KCNJ3: variants seen among roughly 807,000 people sequenced by gnomAD.
The protein encoded by KCNJ3 is potassium inwardly rectifying channel subfamily J member 3.
KCNJ3 carries 4 observed loss-of-function variants against 39.2 expected under a neutral mutation model. The observed-to-expected ratio is 0.10, with a 90% confidence interval of 0.05 to 0.23. The LOEUF is 0.23. Ranked by LOEUF, KCNJ3 falls within the 10% of genes least tolerant of loss-of-function variation. KCNJ3 has a pLI of 1.00. For missense variants in KCNJ3, 276 were observed against 634.9 expected, an observed-to-expected ratio of 0.43 and a Z score of 6.08; for synonymous variants, 230 against 237.4, an observed-to-expected ratio of 0.97 and a Z score of 0.29.
At chr2:154,740,885 G>A (rs1282022794) in intron 2 of KCNJ3, among the ~76,000 whole-genome samples, 1 of 151,878 alleles carries the variant, frequency 6.6e-6, no homozygotes, top group African/African-American at 2.4e-5. Flanking sequence ...GCAAATAAGA[G>A]CAGTACCAAG....
chr2:154,768,367 G>C (rs1249645748), intron 2 of KCNJ3, among the ~76,000 whole-genome samples: 1 of 152,138 alleles, frequency 6.6e-6, no homozygotes, highest in African/African-American at 2.4e-5. Context: ...TTTTGTATAA[G>C]GTGTAAGGAA....
intron 2 of KCNJ3, among the ~76,000 whole-genome samples, chr2:154,828,082 C>T (rs1436624508): frequency 2.6e-5 from 4 of 151,442 alleles, no homozygotes; most frequent in African/African-American, 4.9e-5. Context: ...GGTTGATATC[C>T]GCATTGTAGT....
intron 2 of KCNJ3, among the ~76,000 whole-genome samples, chr2:154,784,536 C>G (rs1686493517): frequency 6.6e-6 from 1 of 152,160 alleles, no homozygotes; most frequent in Non-Finnish European, 1.5e-5. Context: ...GCACACACCA[C>G]CATACCCAGC....
intron 2 of KCNJ3, among the ~76,000 whole-genome samples, chr2:154,759,892 T>A (rs931166368): frequency 1.3e-5 from 2 of 152,138 alleles, no homozygotes; most frequent in African/African-American, 4.8e-5. Flanking sequence ...TATTAATAGA[T>A]CATTTGTTTC....
At chr2:154,837,722 G>A (rs1043172315) in intron 2 of KCNJ3, among the ~76,000 whole-genome samples, 5 of 152,176 alleles carry the variant, frequency 3.3e-5, no homozygotes, top group African/African-American at 1.2e-4. Flanking sequence ...GAAGCTTACT[G>A]TAATCTGAAA....
rs79669423 is a variant in KCNJ3 at position 154,801,473 on chromosome 2, C to T, written c.920-53254C>T. On this transcript the variant is annotated intron_variant, in intron 2 of 2. Coordinates refer to ENST00000295101, the MANE Select transcript of KCNJ3 (RefSeq NM_002239.4). The stretch of plus-strand genomic sequence containing the variant: ...AAGGGCCTGGAAGGCCCCCTTCCTC[C>T]CTCCCTCCTTTCTTTTCTTTTCTTT... Among the ~76,000 whole-genome samples, 17 of 150,654 alleles carry T rather than the reference C, an allele frequency of 1.1e-4. No individual in the cohort carries two copies. The East Asian group carries it at 3.0e-3, about 26-fold the overall frequency.
intron 1 of KCNJ3, among the ~76,000 whole-genome samples, chr2:154,706,711 A>G (rs1365434002): frequency 6.6e-6 from 1 of 152,134 alleles, no homozygotes; most frequent in African/African-American, 2.4e-5. Flanking sequence ...AGAATTATTT[A>G]GAAGCCTAAA....
chr2:154,781,128 G>A (rs1480342465), intron 2 of KCNJ3, among the ~76,000 whole-genome samples: 2 of 152,174 alleles, frequency 1.3e-5, no homozygotes, highest in Non-Finnish European at 2.9e-5. Context: ...ACTAAAGGCA[G>A]TCTTTAGAAG....
At chr2:154,814,744 C>T (rs1687055926) in intron 2 of KCNJ3, among the ~76,000 whole-genome samples, 1 of 152,118 alleles carries the variant, frequency 6.6e-6, no homozygotes, top group Non-Finnish European at 1.5e-5. Flanking sequence ...ACCTTTTAAT[C>T]TTTTTATTTT....
chr2:154,735,274 CTTTTTT>C (rs11315316), intron 2 of KCNJ3, among the ~76,000 whole-genome samples: 1 of 143,240 alleles, frequency 7.0e-6, no homozygotes, highest in Admixed American at 6.9e-5. Flanking sequence ...TTCTTTCTTT[CTTTTTT>C]TTTTTTTGTA....
At chr2:154,798,188 G>GCACACACACA (rs57495585) in intron 2 of KCNJ3, among the ~76,000 whole-genome samples, 7 of 114,760 alleles carry the variant, frequency 6.1e-5, no homozygotes, top group African/African-American at 2.2e-4. Flanking sequence ...TTCGAACACC[G>GCACACACACA]CACACACACA....
intron 2 of KCNJ3, among the ~76,000 whole-genome samples, chr2:154,833,166 C>T (rs1005180785): frequency 5.9e-5 from 9 of 152,110 alleles, no homozygotes; most frequent in African/African-American, 2.2e-4. Flanking sequence ...ATATGCATCA[C>T]GGTATGTAGG....
chr2:154,798,945 A>G (rs911315889), intron 2 of KCNJ3, among the ~76,000 whole-genome samples: 2 of 150,820 alleles, frequency 1.3e-5, no homozygotes, highest in African/African-American at 2.4e-5. Context: ...GTGTGTGTGT[A>G]TGCCATGTGG....
At chr2:154,721,097 G>A (rs570351724) in intron 2 of KCNJ3, among the ~76,000 whole-genome samples, 9 of 150,568 alleles carry the variant, frequency 6.0e-5, no homozygotes, top group South Asian at 2.1e-4. Context: ...ATTTTTCTAC[G>A]TTCTGTGCAA....
chr2:154,733,383 C>T (rs1269210374), intron 2 of KCNJ3, among the ~76,000 whole-genome samples: 1 of 152,068 alleles, frequency 6.6e-6, no homozygotes, highest in African/African-American at 2.4e-5. Flanking sequence ...GTGAATGTTG[C>T]ACTTTGTTTC....
intron 2 of KCNJ3, among the ~76,000 whole-genome samples, chr2:154,736,679 C>G (rs1685552743): frequency 6.6e-6 from 1 of 152,060 alleles, no homozygotes; most frequent in South Asian, 2.1e-4. Flanking sequence ...AAAAACAAAT[C>G]CAAAATTCCA....
At chr2:154,793,533 C>T (rs1686672483) in intron 2 of KCNJ3, among the ~76,000 whole-genome samples, 1 of 151,996 alleles carries the variant, frequency 6.6e-6, no homozygotes, top group African/African-American at 2.4e-5. Flanking sequence ...AGTGTGATTG[C>T]TTGGGCTTAC....
intron 2 of KCNJ3, among the ~76,000 whole-genome samples, chr2:154,741,319 C>G (rs1200395758): frequency 6.6e-6 from 1 of 151,934 alleles, no homozygotes; most frequent in East Asian, 1.9e-4. Flanking sequence ...CCAGGATAAA[C>G]TATAAGCCCC....
intron 2 of KCNJ3, among the ~76,000 whole-genome samples, chr2:154,842,299 G>A (rs2961978): frequency 0.2 from 30,564 of 152,170 alleles, 3,378 homozygotes; most frequent in East Asian, 0.4. Context: ...ACTGTGGTCT[G>A]AGAGACAGTT....
Sources: allele counts gnomAD v4.1 joint callset (sites outside exome capture counted in the v4.1 genomes callset), GRCh38; gene constraint gnomAD v4.1.1; transcripts MANE v1.5; gene names NCBI Gene and HGNC (gene_info 2026-07-23, HGNC 2026-07-21).